The following PDGFC variants were observed in gnomAD, a reference collection of about 807,000 sequenced individuals.
The protein encoded by PDGFC is platelet derived growth factor C, also known as platelet-derived growth factor C.
In PDGFC, 12 loss-of-function variants were observed where a neutral mutation model predicts 35.5. That is an observed-to-expected ratio of 0.34 (90% CI 0.22 to 0.55). PDGFC has a LOEUF of 0.55. Among genes scored for constraint, PDGFC ranks in the 20% least tolerant of loss-of-function variants. The probability of loss-of-function intolerance (pLI) is 0.91; values close to 1 mark genes in which losing one functional copy is unlikely to be tolerated. For missense variants in PDGFC, 322 were observed against 412.4 expected (o/e 0.78, Z 1.90); for synonymous variants, 159 against 148.8 (o/e 1.07, Z -0.50).
intron 1 of PDGFC, among the ~76,000 whole-genome samples, chr4:156,929,047 T>C (rs1030123814): frequency 6.6e-6 from 1 of 152,104 alleles, no homozygotes; most frequent in Admixed American, 6.5e-5. Flanking sequence ...CATGAATCTA[T>C]AAGGGGCAAT....
intron 2 of PDGFC, among the ~76,000 whole-genome samples, chr4:156,830,265 T>C (rs1728895401): frequency 6.6e-6 from 1 of 150,630 alleles, no homozygotes; most frequent in Admixed American, 6.6e-5. Context: ...AAAAAAAAAC[T>C]TCATGTCCTC....
chr4:156,945,110 A>C (rs1731906549), intron 1 of PDGFC, among the ~76,000 whole-genome samples: 1 of 151,732 alleles, frequency 6.6e-6, no homozygotes, highest in Non-Finnish European at 1.5e-5. Context: ...TCATACCAAT[A>C]GTTTACTTAT....
intron 1 of PDGFC, among the ~76,000 whole-genome samples, chr4:156,854,346 G>A (rs754595513): frequency 2.0e-5 from 3 of 152,064 alleles, no homozygotes; most frequent in East Asian, 3.9e-4. Context: ...GTCATAAAGC[G>A]CATGGCTAAA....
At chr4:156,769,002 T>A (rs1730618620) in intron 4 of PDGFC, among the ~76,000 whole-genome samples, 1 of 151,910 alleles carries the variant, frequency 6.6e-6, no homozygotes, top group Non-Finnish European at 1.5e-5. Flanking sequence ...CTGCCTTACA[T>A]CTCTGCCTAT....
At chr4:156,814,265 C>G (rs573236376) in intron 2 of PDGFC, among the ~76,000 whole-genome samples, 2 of 152,120 alleles carry the variant, frequency 1.3e-5, no homozygotes, top group African/African-American at 2.4e-5. Flanking sequence ...ACCACATGTT[C>G]GAGGAATTCG....
chr4:156,925,092 G>A (rs1196289378), intron 1 of PDGFC, among the ~76,000 whole-genome samples: 1 of 152,156 alleles, frequency 6.6e-6, no homozygotes, highest in Non-Finnish European at 1.5e-5. Flanking sequence ...GAAATCATGA[G>A]AACAGGATGG....
Position 156,811,019 on chromosome 4 carries a change from T to C in PDGFC, c.315-2A>G, listed in dbSNP as rs897241152. 1 of 1,553,940 alleles carries C rather than the reference T, an allele frequency of 6.4e-7. No homozygotes were observed. The highest frequency in any genetic ancestry group is 8.7e-7 in the Non-Finnish European group (1 of 1,150,476). Reference sequence around the variant, plus strand: ...TCCTCAACTTCTACAAAATCATACCTGCAAAAAGACAAAGGGAAAGAGACA... The same window carrying C: ...TCCTCAACTTCTACAAAATCATACCCGCAAAAAGACAAAGGGAAAGAGACA... On this transcript the variant is annotated splice_acceptor_variant, in intron 2 of 5. Transcript: ENST00000502773. LOFTEE classifies it high-confidence loss of function.
At chr4:156,867,753 A>G (rs2111132766) in intron 1 of PDGFC, among the ~76,000 whole-genome samples, 1 of 152,336 alleles carries the variant, frequency 6.6e-6, no homozygotes, top group East Asian at 1.9e-4. Flanking sequence ...TTCATATTAA[A>G]CAAAGCTCAC....
chr4:156,885,304 G>T (rs1290737304), intron 1 of PDGFC, among the ~76,000 whole-genome samples: 1 of 152,022 alleles, frequency 6.6e-6, no homozygotes, highest in Non-Finnish European at 1.5e-5. Flanking sequence ...AAGATACAGT[G>T]AATTCCATCA....
In PDGFC at chr4:156,804,545, C is replaced by G. The variant is rs1404814594; in HGVS notation, c.495+6292G>C. 2.0e-5 allele frequency among the ~76,000 whole-genome samples: 3 copies of G among 151,906 alleles called. No individual in the cohort carries two copies. The East Asian group carries it at 5.8e-4, about 29-fold the overall frequency. ...CTCTCCACATTCCCATCTTCCTTCTCAAAATCTTTCCAAACCACTCAACAT... is the reference window on the plus strand; with the variant it reads ...CTCTCCACATTCCCATCTTCCTTCTGAAAATCTTTCCAAACCACTCAACAT... On this transcript the variant is annotated intron_variant, in intron 3 of 5. Coordinates refer to ENST00000502773, the MANE Select transcript of PDGFC (RefSeq NM_016205.3).
At chr4:156,880,321 C>A (rs1579073826) in intron 1 of PDGFC, among the ~76,000 whole-genome samples, 1 of 151,932 alleles carries the variant, frequency 6.6e-6, no homozygotes, top group Non-Finnish European at 1.5e-5. Context: ...AATACTAGAT[C>A]CTTTAAGAAT....
rs1730722302 is a variant in PDGFC at position 156,772,741 on chromosome 4, A to G, written c.648T>C (p.Tyr216=). Reference sequence around the variant, plus strand: ...TGCCAAGAAGTTGCCAAGTTGGCCTATATAGATCTTCTAAGTCCAACTGCC... The same window carrying G: ...TGCCAAGAAGTTGCCAAGTTGGCCTGTATAGATCTTCTAAGTCCAACTGCC... ...ERWQLDLEDL[Y]RPTWQLLGKA... The change falls in exon 4 of 6, where the codon TAT becomes TAC. Residue 216 remains tyrosine (Y), a synonymous_variant. Transcript: ENST00000502773. 4 of 1,613,582 alleles carry G rather than the reference A, an allele frequency of 2.5e-6. No individual in the cohort carries two copies. Among genetic ancestry groups the G allele is most frequent in the African/African-American group, 2.7e-5 (2 of 75,024 alleles).
At chr4:156,958,568 G>A (rs1174086335) in intron 1 of PDGFC, among the ~76,000 whole-genome samples, 2 of 151,992 alleles carry the variant, frequency 1.3e-5, no homozygotes, top group Non-Finnish European at 2.9e-5. Context: ...AGCCAACCAT[G>A]TTTGACAGAA....
chr4:156,957,114 C>T (rs540032760), intron 1 of PDGFC, among the ~76,000 whole-genome samples: 3 of 152,054 alleles, frequency 2.0e-5, no homozygotes, highest in East Asian at 1.9e-4. Context: ...ATTTGGTATG[C>T]GGCTTAATGC....
At chr4:156,778,391 G>A (rs1730883522) in intron 3 of PDGFC, 1 of 167,530 alleles carries the variant, frequency 6.0e-6, no homozygotes, top group South Asian at 1.2e-4. Context: ...TTTTATTAAT[G>A]AAAAATAACT....
intron 5 of PDGFC, 69 bp from the exon 6 acceptor site, chr4:156,763,275 G>C: frequency 1.5e-6 from 1 of 687,542 alleles, no homozygotes; most frequent in Admixed American, 1.9e-5. Flanking sequence ...TTATAAACAA[G>C]TAACGTTTTA....
chr4:156,949,625 G>T (rs898139835), intron 1 of PDGFC, among the ~76,000 whole-genome samples: 1 of 151,846 alleles, frequency 6.6e-6, no homozygotes. Context: ...GAATTGTTTG[G>T]GGAGGACTGG....
chr4:156,937,637 G>A (rs1731715208), intron 1 of PDGFC, among the ~76,000 whole-genome samples: 1 of 152,154 alleles, frequency 6.6e-6, no homozygotes, highest in African/African-American at 2.4e-5. Flanking sequence ...GGAGGTTGGC[G>A]CTGCAGTGAG....
chr4:156,815,843 A>G (rs1732072319), intron 2 of PDGFC, among the ~76,000 whole-genome samples: 2 of 152,194 alleles, frequency 1.3e-5, no homozygotes, highest in Admixed American at 1.3e-4. Context: ...TGAGCCAATC[A>G]AACATCACTT....
Sources: allele counts gnomAD v4.1 joint callset (sites outside exome capture counted in the v4.1 genomes callset), GRCh38; gene constraint gnomAD v4.1.1; transcripts MANE v1.5; gene names NCBI Gene and HGNC (gene_info 2026-07-23, HGNC 2026-07-21).